Variants in PRELID2 observed in about 807,000 individuals in gnomAD.
The protein encoded by PRELID2 is PRELI domain-containing protein 2.
A neutral mutation model predicts 28.4 loss-of-function variants in PRELID2; 25 were observed. That is an observed-to-expected ratio of 0.88 (90% CI 0.64 to 1.23). The LOEUF (loss-of-function observed/expected upper bound fraction) is 1.23, where lower values mean the gene tolerates loss of function less well. Among genes scored for constraint, PRELID2 ranks in the 50% most tolerant of loss-of-function variants. The pLI, the probability that PRELID2 is intolerant of heterozygous loss-of-function variation, is 0.00. For missense variants in PRELID2, 201 were observed against 214.4 expected (o/e 0.94, Z 0.39); for synonymous variants, 76 against 71.6 (o/e 1.06, Z -0.31).
intron 1 of PRELID2, among the ~76,000 whole-genome samples, chr5:145,489,825 C>T (rs951795191): frequency 6.6e-6 from 1 of 152,158 alleles, no homozygotes; most frequent in Non-Finnish European, 1.5e-5. Context: ...ATGCCTCAGA[C>T]TTTGCTCTCT....
At chr5:145,825,586 A>T (rs867379303) in intron 1 of PRELID2, among the ~76,000 whole-genome samples, 3 of 152,220 alleles carry the variant, frequency 2.0e-5, no homozygotes, top group Non-Finnish European at 4.4e-5. Context: ...ACTATAAAAG[A>T]CGTTGAAAAT....
intron 1 of PRELID2, among the ~76,000 whole-genome samples, chr5:145,560,238 G>A (rs1431021415): frequency 6.6e-6 from 1 of 152,210 alleles, no homozygotes; most frequent in Non-Finnish European, 1.5e-5. Flanking sequence ...ACCATTGTAA[G>A]TTGAGGACTG....
chr5:145,489,421 T>G (rs1484354831), intron 1 of PRELID2, among the ~76,000 whole-genome samples: 1 of 152,198 alleles, frequency 6.6e-6, no homozygotes, highest in Non-Finnish European at 1.5e-5. Context: ...TTTACATGCA[T>G]GATCTTATGT....
chr5:145,785,252 G>A (rs893842918), intron 5 of PRELID2, among the ~76,000 whole-genome samples: 6 of 152,142 alleles, frequency 3.9e-5, no homozygotes, highest in African/African-American at 1.2e-4. Context: ...AGTGTGACTT[G>A]TGGGAAGTGA....
chr5:145,827,514 G>A (rs1051229288), intron 1 of PRELID2, among the ~76,000 whole-genome samples: 1 of 152,166 alleles, frequency 6.6e-6, no homozygotes, highest in African/African-American at 2.4e-5. Flanking sequence ...TGAACCACCA[G>A]GTGATCATCC....
At chr5:145,729,212 C>T in intron 1 of PRELID2, 1 of 793,404 alleles carries the variant, frequency 1.3e-6, no homozygotes, top group Non-Finnish European at 2.2e-6. Flanking sequence ...CGGAAGCATG[C>T]CAGAATGCCC....
chr5:145,458,304 C>A, the PRELID2 span, among the ~76,000 whole-genome samples: 89 of 152,252 alleles, frequency 5.8e-4, 2 homozygotes, highest in African/African-American at 2.1e-3. Flanking sequence ...TATATTTGAT[C>A]TTTACATTGG....
intron 1 of PRELID2, among the ~76,000 whole-genome samples, chr5:145,675,737 GA>G (rs921045465): frequency 1.1e-4 from 16 of 151,862 alleles, no homozygotes; most frequent in East Asian, 3.9e-4. Context: ...AAGGATTATA[GA>G]AAAAAAATGT....
At chr5:145,478,257 A>T (rs1212788329) in intron 1 of PRELID2, among the ~76,000 whole-genome samples, 1 of 152,104 alleles carries the variant, frequency 6.6e-6, no homozygotes, top group Non-Finnish European at 1.5e-5. Flanking sequence ...GTATGAAAAA[A>T]ATAATATAGG....
intron 1 of PRELID2, among the ~76,000 whole-genome samples, chr5:145,656,203 TA>T (rs1399529012): frequency 9.2e-5 from 14 of 152,188 alleles, no homozygotes; most frequent in Admixed American, 9.2e-4. Context: ...CACAGTGAGA[TA>T]ACATCTCACA....
chr5:145,794,979 T>C (rs1332514179), intron 5 of PRELID2: 1 of 152,116 alleles, frequency 6.6e-6, no homozygotes, highest in Non-Finnish European at 1.5e-5. Flanking sequence ...GCAATCAATT[T>C]GATAATAAGG....
At chr5:145,598,493 A>C (rs1053557291) in intron 1 of PRELID2, among the ~76,000 whole-genome samples, 12 of 152,222 alleles carry the variant, frequency 7.9e-5, no homozygotes, top group Middle Eastern at 3.2e-3. Context: ...AGATAAATCT[A>C]AAATGTGCTT....
At chr5:145,624,961 G>A (rs904156935) in intron 1 of PRELID2, among the ~76,000 whole-genome samples, 2 of 152,104 alleles carry the variant, frequency 1.3e-5, no homozygotes, top group Non-Finnish European at 2.9e-5. Flanking sequence ...AGGCGCAAAT[G>A]TCCCATAATC....
chr5:145,637,810 CT>C (rs547110066), intron 1 of PRELID2, among the ~76,000 whole-genome samples: 18,128 of 130,534 alleles, frequency 0.14, 1,475 homozygotes, highest in African/African-American at 0.3. Flanking sequence ...CAAAACCATT[CT>C]TTTTTTTTTT....
the PRELID2 span, among the ~76,000 whole-genome samples, chr5:145,445,661 A>C: frequency 6.6e-5 from 10 of 151,992 alleles, no homozygotes; most frequent in Non-Finnish European, 1.3e-4. Context: ...AAGGTGCTCA[A>C]GCAACTCAAC....
At chr5:145,552,643 T>C (rs1752845839) in intron 1 of PRELID2, among the ~76,000 whole-genome samples, 1 of 152,100 alleles carries the variant, frequency 6.6e-6, no homozygotes, top group Non-Finnish European at 1.5e-5. Context: ...AAACATCTTA[T>C]CCTTACAAAA....
At chr5:145,726,662 T>C (rs1756176373) in intron 1 of PRELID2, among the ~76,000 whole-genome samples, 1 of 152,208 alleles carries the variant, frequency 6.6e-6, no homozygotes, top group Admixed American at 6.5e-5. Context: ...GGAGAATGGA[T>C]AGGCAAAGTA....
chr5:145,681,025 T>C (rs1754924492), intron 1 of PRELID2, among the ~76,000 whole-genome samples: 1 of 152,192 alleles, frequency 6.6e-6, no homozygotes, highest in Admixed American at 6.5e-5. Context: ...CAGAGGATAA[T>C]GAACCCCACA....
chr5:145,271,649 C>A, the PRELID2 span, among the ~76,000 whole-genome samples: 1 of 152,060 alleles, frequency 6.6e-6, no homozygotes, highest in Non-Finnish European at 1.5e-5. Context: ...TTACTTTTTT[C>A]TTCCACTGTT....
Sources: gnomAD v4.1 joint callset for allele counts (sites outside exome capture counted in the v4.1 genomes callset) on GRCh38, gnomAD v4.1.1 for gene constraint, MANE v1.5 for transcripts, NCBI Gene and HGNC (gene_info 2026-07-23, HGNC 2026-07-21) for gene names.